Variants in NR6A1 observed in about 807,000 individuals in gnomAD.
NR6A1 encodes nuclear receptor subfamily 6 group A member 1.
A neutral mutation model predicts 59.1 loss-of-function variants in NR6A1; 7 were observed. The ratio of observed to expected loss-of-function variants is 0.12; its 90% CI spans 0.07 to 0.22. The LOEUF (loss-of-function observed/expected upper bound fraction) is 0.22, where lower values mean the gene tolerates loss of function less well. Among genes scored for constraint, NR6A1 ranks in the 10% least tolerant of loss-of-function variants. NR6A1 has a pLI of 1.00. For synonymous variants in NR6A1, 243 were observed against 236.1 expected (o/e 1.03, Z -0.27); for missense variants, 468 against 611.6 (o/e 0.77, Z 2.48).
chr9:124,522,880 T>C, intron 9 of NR6A1, 87 bp from the exon 10 acceptor site: 1 of 1,025,722 alleles, frequency 9.7e-7, no homozygotes. Flanking sequence ...GGAGGCAGAG[T>C]ATCACCTTGC....
At chr9:124,722,997 C>T (rs1231056330) in intron 2 of NR6A1, among the ~76,000 whole-genome samples, 2 of 152,122 alleles carry the variant, frequency 1.3e-5, no homozygotes, top group Admixed American at 1.3e-4. Flanking sequence ...CAGCACTTAA[C>T]TTTCAAGTCT....
intron 2 of NR6A1, among the ~76,000 whole-genome samples, chr9:124,568,607 T>C (rs1468938327): frequency 6.6e-6 from 1 of 151,978 alleles, no homozygotes; most frequent in African/African-American, 2.4e-5. Context: ...TAAACATTTG[T>C]GTATCTTTTT....
Position 124,522,470 on chromosome 9 carries a change from A to G in NR6A1, c.*235T>C, listed in dbSNP as rs1832821455. On this transcript the variant is annotated 3_prime_UTR_variant, in exon 10 of 10. Coordinates refer to ENST00000487099, the MANE Select transcript of NR6A1 (RefSeq NM_033334.4). Reference sequence around the variant, plus strand: ...GTAAGAAAATGCATTGGCTGCATTCACACAAAAGCATGTGCATCATGTTGA... The same window carrying G: ...GTAAGAAAATGCATTGGCTGCATTCGCACAAAAGCATGTGCATCATGTTGA... The G allele has an allele frequency of 2.8e-6, 1 of 351,162 alleles. No individual in the cohort carries two copies. Among genetic ancestry groups the G allele is most frequent in the Admixed American group, 4.0e-5 (1 of 25,168 alleles). 21.8% of individuals were successfully genotyped at this position (351,162 alleles called of 1,614,324 possible). A position where few individuals can be genotyped will look rare whatever the true frequency, so the allele number is the denominator to read the frequency against.
At chr9:124,649,233 CAA>C (rs78432505) in intron 2 of NR6A1, among the ~76,000 whole-genome samples, 82 of 41,440 alleles carry the variant, frequency 2.0e-3, no homozygotes, top group African/African-American at 6.8e-3. Context: ...GGTACTGGCA[CAA>C]AAAAAAAAAA....
intron 1 of NR6A1, among the ~76,000 whole-genome samples, chr9:124,750,159 G>A (rs1354228003): frequency 1.3e-5 from 2 of 152,126 alleles, no homozygotes; most frequent in Admixed American, 6.5e-5. Flanking sequence ...CCATGTTAAG[G>A]CTCTCATGTT....
intron 3 of NR6A1, among the ~76,000 whole-genome samples, chr9:124,546,839 T>C (rs912793803): frequency 2.6e-5 from 4 of 152,244 alleles, no homozygotes; most frequent in Non-Finnish European, 5.9e-5. Context: ...GTATGTTATC[T>C]CATGTGATCC....
intron 2 of NR6A1, among the ~76,000 whole-genome samples, chr9:124,652,087 C>T (rs1837123558): frequency 6.6e-6 from 1 of 152,222 alleles, no homozygotes; most frequent in Non-Finnish European, 1.5e-5. Context: ...TGAAAAGCGA[C>T]TGCATGAAGA....
At chr9:124,632,709 A>G (rs193024948) in intron 2 of NR6A1, among the ~76,000 whole-genome samples, 44 of 152,320 alleles carry the variant, frequency 2.9e-4, no homozygotes, top group Admixed American at 2.5e-3. Flanking sequence ...ATCTGAAATT[A>G]TTGGTTCAAT....
At chr9:124,599,464 T>C in intron 2 of NR6A1, 1 of 452,868 alleles carries the variant, frequency 2.2e-6, no homozygotes, top group Non-Finnish European at 4.3e-6. Flanking sequence ...TCCAGCGTTT[T>C]AAAATTTCTT....
chr9:124,682,658 C>G (rs1348686411), intron 2 of NR6A1, among the ~76,000 whole-genome samples: 1 of 151,886 alleles, frequency 6.6e-6, no homozygotes, highest in Non-Finnish European at 1.5e-5. Flanking sequence ...AATTAAAATA[C>G]TTTTAAGTTT....
At chr9:124,549,145 C>G (rs1006178840) in intron 3 of NR6A1, among the ~76,000 whole-genome samples, 1 of 152,178 alleles carries the variant, frequency 6.6e-6, no homozygotes, top group Non-Finnish European at 1.5e-5. Context: ...GGAGGGTTAT[C>G]TGGTGGGGGA....
intron 2 of NR6A1, among the ~76,000 whole-genome samples, chr9:124,634,393 A>G (rs1836537718): frequency 1.3e-5 from 2 of 152,220 alleles, no homozygotes; most frequent in Non-Finnish European, 2.9e-5. Context: ...TTAAAAAGTC[A>G]ATGCCCCTTT....
intron 2 of NR6A1, among the ~76,000 whole-genome samples, chr9:124,556,257 A>C (rs947773768): frequency 1.3e-5 from 2 of 152,194 alleles, no homozygotes; most frequent in African/African-American, 4.8e-5. Flanking sequence ...AGGCAGAGGA[A>C]GATCTGATAA....
At chr9:124,688,051 G>A (rs1487441767) in intron 2 of NR6A1, among the ~76,000 whole-genome samples, 1 of 152,192 alleles carries the variant, frequency 6.6e-6, no homozygotes, top group Non-Finnish European at 1.5e-5. Flanking sequence ...GCTGGGCACA[G>A]TGGCTCATGC....
At chr9:124,767,526 A>G (rs1840971795) in intron 1 of NR6A1, among the ~76,000 whole-genome samples, 3 of 152,094 alleles carry the variant, frequency 2.0e-5, no homozygotes, top group Non-Finnish European at 1.5e-5. Flanking sequence ...AAAAAAAAAA[A>G]AAAGAAAAAC....
At chr9:124,688,036 A>T (rs1358683413) in intron 2 of NR6A1, among the ~76,000 whole-genome samples, 1 of 152,164 alleles carries the variant, frequency 6.6e-6, no homozygotes, top group Non-Finnish European at 1.5e-5. Context: ...ATATGGTATA[A>T]GTTGGCTGGG....
intron 7 of NR6A1, among the ~76,000 whole-genome samples, chr9:124,534,441 G>T (rs1833193014): frequency 6.6e-6 from 1 of 152,116 alleles, no homozygotes; most frequent in African/African-American, 2.4e-5. Context: ...GATTTTAGGG[G>T]TCAGAAAATA....
chr9:124,646,514 A>G (rs1836933605), intron 2 of NR6A1, among the ~76,000 whole-genome samples: 2 of 152,360 alleles, frequency 1.3e-5, no homozygotes, highest in East Asian at 3.9e-4. Context: ...ATAAAGGAAT[A>G]TAATGAATGA....
At chr9:124,662,979 A>G (rs1372861174) in intron 2 of NR6A1, among the ~76,000 whole-genome samples, 1 of 152,254 alleles carries the variant, frequency 6.6e-6, no homozygotes, top group East Asian at 1.9e-4. Flanking sequence ...TAGAAATACA[A>G]TGATAAGAAG....
Sources: gnomAD v4.1 joint callset for allele counts (sites outside exome capture counted in the v4.1 genomes callset) on GRCh38, gnomAD v4.1.1 for gene constraint, MANE v1.5 for transcripts, NCBI Gene and HGNC (gene_info 2026-07-23, HGNC 2026-07-21) for gene names.